Variants in MAP4 observed in about 807,000 individuals in gnomAD.
MAP4 encodes the protein microtubule associated protein 4, also known as microtubule-associated protein 4.
MAP4 carries 76 observed loss-of-function variants against 170.2 expected under a neutral mutation model. The ratio of observed to expected loss-of-function variants is 0.45; its 90% CI spans 0.37 to 0.54. MAP4 has a LOEUF of 0.54. Ranked by LOEUF, MAP4 falls within the 20% of genes least tolerant of loss-of-function variation. The pLI is 0.00. For synonymous variants in MAP4, 909 were observed against 994.5 expected (o/e 0.91, Z 1.62); for missense variants, 2,506 against 2,748.0 (o/e 0.91, Z 1.97).
chr3:48,053,532 A>G (rs1579595434), intron 1 of MAP4, among the ~76,000 whole-genome samples: 1 of 151,932 alleles, frequency 6.6e-6, no homozygotes, highest in African/African-American at 2.4e-5. Context: ...GAACACTTTT[A>G]TTTTTTTTAT....
Position 47,918,763 on chromosome 3 carries a change from A to T in MAP4, c.608T>A (p.Phe203Tyr). 6.2e-7 allele frequency: 1 copy of T among 1,611,512 alleles called. No homozygotes were observed. Among genetic ancestry groups the T allele is most frequent in the Non-Finnish European group, 8.5e-7 (1 of 1,177,658 alleles). Residue 203 changes from phenylalanine (F) to tyrosine (Y), a missense_variant, in exon 6 of 21, where the codon TTT (phenylalanine) becomes TAT (tyrosine). Physicochemically the swap from Phe to Tyr is conservative, Grantham distance 22. Transcript: ENST00000683076. Reference protein sequence around the residue: ...EALNSPHSESFVSPEAVAEPP... With the variant: ...EALNSPHSESYVSPEAVAEPP... ...TTCTGCAACAGCCTCTGGGGAAACA[A>T]AGGACTCTGAGTGTGGAGAGTTTAA...
Position 47,852,993 on chromosome 3 carries a change from A to G in MAP4, c.6887-55T>C, listed in dbSNP as rs369785640. On this transcript the variant is annotated intron_variant, in intron 20 of 20. Coordinates refer to ENST00000683076, the MANE Select transcript of MAP4 (RefSeq NM_001385682.1). ...AGGGGAACAGGGGAGACAAGAGGGG[A>G]ACACGGGGGAGACGGAAGACGAGAC... The G allele has an allele frequency of 5.7e-5, 92 of 1,614,080 alleles. No homozygotes were observed. In the African/African-American group the frequency reaches 1.2e-3, roughly 21 times the overall value.
At chr3:47,991,378 C>G (rs933821032) in intron 2 of MAP4, among the ~76,000 whole-genome samples, 1 of 152,098 alleles carries the variant, frequency 6.6e-6, no homozygotes, top group Non-Finnish European at 1.5e-5. Context: ...AAGAACATAT[C>G]GAGAGCACTA....
At chr3:47,885,756 T>G (rs2097486378) in intron 10 of MAP4, among the ~76,000 whole-genome samples, 1 of 149,694 alleles carries the variant, frequency 6.7e-6, no homozygotes, top group Admixed American at 6.7e-5. Flanking sequence ...TGAGACGGAA[T>G]CTCGCTCTGT....
intron 5 of MAP4, among the ~76,000 whole-genome samples, chr3:47,920,224 G>A (rs903236748): frequency 2.0e-5 from 3 of 152,000 alleles, no homozygotes; most frequent in African/African-American, 4.8e-5. Flanking sequence ...GCCCACCTCC[G>A]TCTCCCAAAG....
At chr3:47,982,434 G>C (rs767512) in intron 2 of MAP4, among the ~76,000 whole-genome samples, 41,972 of 151,946 alleles carry the variant, frequency 0.28, 6,001 homozygotes, top group East Asian at 0.43. Context: ...CAGCTTGTTC[G>C]TATATTTTTA....
At chr3:48,024,032 C>T (rs904570485) in intron 1 of MAP4, among the ~76,000 whole-genome samples, 1 of 152,180 alleles carries the variant, frequency 6.6e-6, no homozygotes, top group East Asian at 1.9e-4. Flanking sequence ...AAAAAATGGG[C>T]CAGGTGCAGT....
intron 3 of MAP4, among the ~76,000 whole-genome samples, chr3:47,955,435 T>TATACAC (rs1553659679): frequency 3.0e-5 from 4 of 135,398 alleles, no homozygotes; most frequent in African/African-American, 1.1e-4. Flanking sequence ...AATAAGCACG[T>TATACAC]ACACACACAC....
rs2058436915 is a variant in MAP4 at position 47,857,440 on chromosome 3, G to A, written c.6574C>T (p.His2192Tyr). 1 of 1,613,876 alleles carries A rather than the reference G, an allele frequency of 6.2e-7. No homozygotes were observed. Among genetic ancestry groups the A allele is most frequent in the African/African-American group, 1.3e-5 (1 of 74,912 alleles). Reference sequence around the variant, plus strand: ...GGGAGGCACCACTCACCAGGCTTGTGCTTGATGTTAGCCTTAGACCCACAC... The same window carrying A: ...GGGAGGCACCACTCACCAGGCTTGTACTTGATGTTAGCCTTAGACCCACAC... ...SKCGSKANIK[H>Y]KPGGGDVKIE... The change falls in exon 18 of 21, where the codon CAC (histidine) becomes TAC (tyrosine). Residue 2192 changes from histidine to tyrosine, a missense_variant. By Grantham distance (83) the His-to-Tyr change is moderately conservative. Transcript: ENST00000683076.
chr3:48,021,242 A>G (rs2100110405), upstream of MAP4, among the ~76,000 whole-genome samples: 1 of 152,192 alleles, frequency 6.6e-6, no homozygotes, highest in South Asian at 2.1e-4. Context: ...GTGATTTACT[A>G]AGGGAGTGCT....
chr3:47,923,880 A>C (rs945471150), intron 4 of MAP4, among the ~76,000 whole-genome samples: 1 of 152,076 alleles, frequency 6.6e-6, no homozygotes, highest in Admixed American at 6.6e-5. Flanking sequence ...AGAATATGAG[A>C]GAGATGATAA....
chr3:47,950,617 A>C (rs896184304), intron 3 of MAP4, among the ~76,000 whole-genome samples: 1 of 152,188 alleles, frequency 6.6e-6, no homozygotes, highest in Non-Finnish European at 1.5e-5. Flanking sequence ...CAGCTGTGGC[A>C]CATGACTGGG....
chr3:48,070,227 G>A (rs2100140296), intron 1 of MAP4, among the ~76,000 whole-genome samples: 1 of 150,000 alleles, frequency 6.7e-6, no homozygotes, highest in Non-Finnish European at 1.5e-5. Context: ...CTCCTCAGGT[G>A]CTACTTAACC....
chr3:48,040,277 AT>A (rs1049011564), intron 1 of MAP4, among the ~76,000 whole-genome samples: 1 of 150,744 alleles, frequency 6.6e-6, no homozygotes. Flanking sequence ...TTATTTTTTT[AT>A]TTTTTTTTGA....
At position 47,857,518 on chromosome 3, in the gene MAP4, GAGA is replaced by G. The variant is rs750295047; in HGVS notation, c.6502-9_6502-7del. The G allele has an allele frequency of 6.2e-6, 10 of 1,600,650 alleles. No homozygotes were observed. The highest frequency in any genetic ancestry group is 5.0e-5 in the Admixed American group (3 of 59,804). On this transcript the variant is annotated splice_polypyrimidine_tract_variant and splice_region_variant and intron_variant, in intron 17 of 20. Transcript: ENST00000683076. Reference sequence around the variant, plus strand: ...TTCTTGTTCTGAATCTGAACCTGAAGAGAAGGACACAAAAGACTCATTCAGAGA... The same window carrying G: ...TTCTTGTTCTGAATCTGAACCTGAAGAGGACACAAAAGACTCATTCAGAGA...
intron 1 of MAP4, among the ~76,000 whole-genome samples, chr3:48,085,222 T>G (rs1197748966): frequency 6.9e-6 from 1 of 145,626 alleles, no homozygotes; most frequent in Non-Finnish European, 1.5e-5. Context: ...GCAAAGTGAT[T>G]CCAAAAACTG....
At chr3:47,884,675 T>C (rs964275378) in intron 10 of MAP4, among the ~76,000 whole-genome samples, 4 of 152,070 alleles carry the variant, frequency 2.6e-5, no homozygotes, top group African/African-American at 4.8e-5. Context: ...GCTGGAAACA[T>C]AGAATAGAGA....
At chr3:48,037,717 C>G (rs1417442799) in intron 1 of MAP4, among the ~76,000 whole-genome samples, 2 of 152,098 alleles carry the variant, frequency 1.3e-5, no homozygotes, top group Admixed American at 6.6e-5. Flanking sequence ...GTACCTACCC[C>G]TCAACCTACC....
intron 10 of MAP4, among the ~76,000 whole-genome samples, chr3:47,897,903 C>T (rs971035235): frequency 4.1e-5 from 6 of 147,364 alleles, no homozygotes; most frequent in Admixed American, 4.0e-4. Context: ...GATCCCACCA[C>T]TGCACTCCAG....
Sources: allele counts gnomAD v4.1 joint callset (sites outside exome capture counted in the v4.1 genomes callset), GRCh38; gene constraint gnomAD v4.1.1; transcripts MANE v1.5; gene names NCBI Gene and HGNC (gene_info 2026-07-23, HGNC 2026-07-21).